ATP6V1H: variants seen among roughly 807,000 people sequenced by gnomAD.
ATP6V1H encodes the protein V-type proton ATPase subunit H.
In ATP6V1H, 39 loss-of-function variants were observed where a neutral mutation model predicts 71.7. The observed-to-expected ratio is 0.54, with a 90% CI of 0.42 to 0.71. The LOEUF (loss-of-function observed/expected upper bound fraction) is 0.71, where lower values mean the gene tolerates loss of function less well. ATP6V1H is among the 30% of genes least tolerant of loss of function. The pLI, the probability that ATP6V1H is intolerant of heterozygous loss-of-function variation, is 0.00. For synonymous variants in ATP6V1H, 192 were observed against 199.3 expected (o/e 0.96, Z 0.31); for missense variants, 509 against 594.9 (o/e 0.86, Z 1.50).
At chr8:53,812,162 A>T (rs1328726605) in intron 6 of ATP6V1H, among the ~76,000 whole-genome samples, 1 of 152,112 alleles carries the variant, frequency 6.6e-6, no homozygotes, top group Non-Finnish European at 1.5e-5. Flanking sequence ...AGCAAGAGGG[A>T]CAGTGCAATG....
At chr8:53,759,903 T>C (rs751541428) in intron 11 of ATP6V1H, among the ~76,000 whole-genome samples, 2 of 152,240 alleles carry the variant, frequency 1.3e-5, no homozygotes, top group Non-Finnish European at 2.9e-5. Flanking sequence ...AGTGTGGTTA[T>C]CCACAGATAA....
intron 2 of ATP6V1H, among the ~76,000 whole-genome samples, chr8:53,836,558 C>T (rs1360752571): frequency 6.6e-6 from 1 of 152,138 alleles, no homozygotes; most frequent in Non-Finnish European, 1.5e-5. Context: ...AACTACTCTC[C>T]TCTCTACTTC....
chr8:53,780,589 G>A (rs987725961), intron 9 of ATP6V1H, among the ~76,000 whole-genome samples: 10 of 151,412 alleles, frequency 6.6e-5, no homozygotes, highest in Middle Eastern at 3.2e-3. Flanking sequence ...TGTGCACAAC[G>A]TGCAGGTGTG....
At chr8:53,812,505 C>A (rs981717990) in intron 6 of ATP6V1H, among the ~76,000 whole-genome samples, 2 of 152,162 alleles carry the variant, frequency 1.3e-5, no homozygotes, top group Non-Finnish European at 2.9e-5. Flanking sequence ...GTGACAGTCA[C>A]CTGAGAGGCA....
chr8:53,822,508 G>T lies in ATP6V1H; in HGVS notation c.307-4978C>A, dbSNP rs549453151. Among the ~76,000 whole-genome samples, 8 of 152,112 alleles carry T rather than the reference G, an allele frequency of 5.3e-5. No homozygotes were observed. In the South Asian group the frequency reaches 1.5e-3, roughly 28 times the overall value. ...AACAGGGGATTAACAGCATTAAAGG[G>T]ATATAAATACAAAGATAACCAACAG... is the stretch of plus-strand genomic sequence containing the variant. On this transcript the variant is annotated intron_variant, in intron 4 of 13. Transcript: ENST00000359530.
At chr8:53,817,362 A>G (rs1192325706) in intron 5 of ATP6V1H, 55 bp downstream of exon 5, 46 of 1,207,956 alleles carry the variant, frequency 3.8e-5, no homozygotes, top group Middle Eastern at 1.9e-4. Flanking sequence ...ACATAGTGAG[A>G]CCCTCTCTCT....
intron 13 of ATP6V1H, among the ~76,000 whole-genome samples, chr8:53,733,257 G>A (rs561567363): frequency 6.6e-6 from 1 of 152,218 alleles, no homozygotes; most frequent in Non-Finnish European, 1.5e-5. Context: ...ACTAGCTCCT[G>A]AGAGCCAGAA....
At chr8:53,812,268 C>A (rs1367964944) in intron 6 of ATP6V1H, among the ~76,000 whole-genome samples, 2 of 152,126 alleles carry the variant, frequency 1.3e-5, no homozygotes, top group Non-Finnish European at 2.9e-5. Flanking sequence ...ACCCGCAAAG[C>A]AGAGGCACTG....
chr8:53,821,811 A>G (rs1810672749), intron 4 of ATP6V1H, among the ~76,000 whole-genome samples: 1 of 152,234 alleles, frequency 6.6e-6, no homozygotes, highest in African/African-American at 2.4e-5. Context: ...AAAGAAACCA[A>G]AAGATGCAAA....
chr8:53,772,254 C>G, intron 9 of ATP6V1H, 87 bp from the exon 10 acceptor site: 2 of 1,011,542 alleles, frequency 2.0e-6, no homozygotes, highest in South Asian at 1.7e-5. Context: ...TATAGTCTCT[C>G]TCCTCCTCCT....
intron 9 of ATP6V1H, among the ~76,000 whole-genome samples, chr8:53,785,613 T>C (rs1314879884): frequency 1.3e-5 from 2 of 152,254 alleles, no homozygotes; most frequent in Non-Finnish European, 2.9e-5. Flanking sequence ...GGAGAGGTGC[T>C]CTGAGTTTTA....
chr8:53,783,284 T>TTG (rs1809236400), intron 9 of ATP6V1H, among the ~76,000 whole-genome samples: 1 of 152,256 alleles, frequency 6.6e-6, no homozygotes, highest in Non-Finnish European at 1.5e-5. Flanking sequence ...GGTGTATGTG[T>TTG]CTAGGAATTT....
Position 53,817,448 on chromosome 8 carries a change from A to C in ATP6V1H, c.389T>G (p.Leu130Trp). The C allele has an allele frequency of 6.2e-7, 1 of 1,613,450 alleles. No homozygotes were observed. The highest frequency in any genetic ancestry group is 1.3e-5 in the African/African-American group (1 of 75,030). Residue 130 changes from leucine (L) to tryptophan (W), a missense_variant, in exon 5 of 14, where the codon TTG (leucine) becomes TGG (tryptophan). Leu to Trp is a moderately conservative substitution (Grantham distance 61). Transcript: ENST00000359530. ...AACAGTGAAGGGATCCTGGCGATTC[A>C]ACATTGGCAGAAAGTAGGGCCACGC... ...NTAWPYFLPM[L>W]NRQDPFTVHM...
chr8:53,797,342 T>C (rs568740940), intron 8 of ATP6V1H, among the ~76,000 whole-genome samples: 1 of 152,362 alleles, frequency 6.6e-6, no homozygotes, highest in Admixed American at 6.5e-5. Flanking sequence ...GCAGCAGCAG[T>C]TCTTTCCCAC....
At chr8:53,748,652 T>A (rs756000042) in intron 12 of ATP6V1H, among the ~76,000 whole-genome samples, 1 of 152,220 alleles carries the variant, frequency 6.6e-6, no homozygotes, top group Non-Finnish European at 1.5e-5. Context: ...AAATAGGAGA[T>A]GTCACATATC....
chr8:53,774,850 G>A (rs1159702482), intron 9 of ATP6V1H, among the ~76,000 whole-genome samples: 1 of 152,192 alleles, frequency 6.6e-6, no homozygotes, highest in East Asian at 1.9e-4. Context: ...AATTCAGAGT[G>A]ACTACAGCGG....
intron 9 of ATP6V1H, among the ~76,000 whole-genome samples, chr8:53,785,167 A>C (rs970206732): frequency 2.6e-5 from 4 of 152,124 alleles, no homozygotes; most frequent in African/African-American, 9.7e-5. Context: ...CGTCACTTTC[A>C]GGTACACCAA....
At chr8:53,804,293 T>C (rs1462852129) in intron 7 of ATP6V1H, among the ~76,000 whole-genome samples, 2 of 152,202 alleles carry the variant, frequency 1.3e-5, no homozygotes, top group African/African-American at 2.4e-5. Context: ...TTTCCCCTTT[T>C]ATGATACCAA....
intron 9 of ATP6V1H, among the ~76,000 whole-genome samples, chr8:53,789,101 A>G (rs1481889250): frequency 6.6e-6 from 1 of 152,254 alleles, no homozygotes; most frequent in East Asian, 1.9e-4. Context: ...ATGAATAAAT[A>G]CAAGAGGAAG....
Sources: allele counts gnomAD v4.1 joint callset (sites outside exome capture counted in the v4.1 genomes callset), GRCh38; gene constraint gnomAD v4.1.1; transcripts MANE v1.5; gene names NCBI Gene and HGNC (gene_info 2026-07-23, HGNC 2026-07-21).